ZNF385B: variants seen among roughly 807,000 people sequenced by gnomAD.
ZNF385B encodes zinc finger protein 533.
In ZNF385B, 23 loss-of-function variants were observed where a neutral mutation model predicts 39.2. That is an observed-to-expected ratio of 0.59 (90% CI 0.42 to 0.83). The LOEUF (loss-of-function observed/expected upper bound fraction) is 0.83. ZNF385B is among the 40% of genes least tolerant of loss of function. ZNF385B has a pLI of 0.00. For synonymous variants in ZNF385B, 205 were observed against 222.6 expected, an observed-to-expected ratio of 0.92 and a Z score of 0.70; for missense variants, 552 against 598.9, an observed-to-expected ratio of 0.92 and a Z score of 0.82.
At chr2:179,655,856 G>A (rs1432944688) in intron 3 of ZNF385B, among the ~76,000 whole-genome samples, 1 of 152,148 alleles carries the variant, frequency 6.6e-6, no homozygotes, top group African/African-American at 2.4e-5. Context: ...GTAATACTGA[G>A]TCATGGTTCT....
At chr2:179,695,313 CA>C (rs750176287) in intron 3 of ZNF385B, among the ~76,000 whole-genome samples, 71 of 151,468 alleles carry the variant, frequency 4.7e-4, no homozygotes, top group Admixed American at 1.2e-3. Context: ...AAAATATGAG[CA>C]ACAAAAGAAA....
chr2:179,851,312 T>C (rs1283304345), intron 1 of ZNF385B, among the ~76,000 whole-genome samples: 1 of 152,186 alleles, frequency 6.6e-6, no homozygotes, highest in African/African-American at 2.4e-5. Flanking sequence ...TAGCTGGCCA[T>C]AGTGGTGCAC....
chr2:179,483,237 C>T, intron 6 of ZNF385B, 35 bp downstream of exon 6: 1 of 1,610,502 alleles, frequency 6.2e-7, no homozygotes, highest in Non-Finnish European at 8.5e-7. Context: ...ACAGGAGAAA[C>T]ACAAAGAATG....
At chr2:179,782,058 T>C (rs543119684) in intron 1 of ZNF385B, among the ~76,000 whole-genome samples, 1 of 152,246 alleles carries the variant, frequency 6.6e-6, no homozygotes, top group East Asian at 1.9e-4. Context: ...ACAATATCCT[T>C]GGTGAACATT....
intron 3 of ZNF385B, among the ~76,000 whole-genome samples, chr2:179,704,232 T>C (rs1216335166): frequency 1.3e-5 from 2 of 152,188 alleles, no homozygotes; most frequent in African/African-American, 2.4e-5. Flanking sequence ...TTGAAAGAGT[T>C]TGATAATCCA....
intron 3 of ZNF385B, among the ~76,000 whole-genome samples, chr2:179,652,111 T>A (rs1018419919): frequency 6.6e-6 from 1 of 152,044 alleles, no homozygotes; most frequent in African/African-American, 2.4e-5. Context: ...TTTTAAGATA[T>A]AGATTTGGAA....
intron 3 of ZNF385B, among the ~76,000 whole-genome samples, chr2:179,595,675 G>A (rs561886527): frequency 2.0e-5 from 3 of 150,910 alleles, no homozygotes; most frequent in Admixed American, 1.3e-4. Flanking sequence ...GCCCAGGCTG[G>A]AGTGAAGTAG....
intron 4 of ZNF385B, among the ~76,000 whole-genome samples, chr2:179,522,642 G>A (rs1474731652): frequency 3.3e-5 from 5 of 152,074 alleles, no homozygotes; most frequent in South Asian, 2.1e-4. Context: ...ATAGACATTC[G>A]ATTGTTAAAA....
Position 179,632,209 on chromosome 2 carries a change from C to A in ZNF385B, c.299-87240G>T, listed in dbSNP as rs551176141. 5.3e-5 allele frequency among the ~76,000 whole-genome samples: 8 copies of A among 152,286 alleles called. No homozygotes were observed. The South Asian group carries it at 1.7e-3, about 32-fold the overall frequency. On this transcript the variant is annotated intron_variant, in intron 3 of 9. Coordinates refer to ENST00000410066, the MANE Select transcript of ZNF385B (RefSeq NM_152520.6). ...CTCTGCAACAAGTAGACCTAATAGACATCTACAGAACTCTCCACCTCAAAT... is the reference window on the plus strand; with the variant it reads ...CTCTGCAACAAGTAGACCTAATAGAAATCTACAGAACTCTCCACCTCAAAT...
intron 3 of ZNF385B, among the ~76,000 whole-genome samples, chr2:179,582,842 A>G (rs1425458248): frequency 6.6e-6 from 1 of 152,120 alleles, no homozygotes; most frequent in East Asian, 1.9e-4. Flanking sequence ...TAAGAAACCA[A>G]TATTTTTTGT....
chr2:179,459,874 C>T lies in ZNF385B; in HGVS notation c.716-13104G>A, dbSNP rs558858150. Among the ~76,000 whole-genome samples, 231 of 151,506 alleles carry T rather than the reference C, an allele frequency of 1.5e-3. 1 individual carries two copies. Among genetic ancestry groups the T allele is most frequent in the Middle Eastern group, 3.4e-3 (1 of 292 alleles). ...ATCCCAGCACTTTGGGAAGCTGAGG[C>T]GGGTGGATCACCTGAGGTCAGGAGT... On this transcript the variant is annotated intron_variant, in intron 6 of 9. Coordinates refer to ENST00000410066, the MANE Select transcript of ZNF385B (RefSeq NM_152520.6).
At chr2:179,577,034 C>A (rs1478886615) in intron 3 of ZNF385B, among the ~76,000 whole-genome samples, 3 of 152,014 alleles carry the variant, frequency 2.0e-5, no homozygotes, top group African/African-American at 7.2e-5. Flanking sequence ...TATAAGGAAT[C>A]CAGGAGAAAA....
At chr2:179,445,110 T>C (rs1262584997) in intron 8 of ZNF385B, 133 bp from the exon 9 acceptor site, 3 of 755,132 alleles carry the variant, frequency 4.0e-6, no homozygotes, top group Non-Finnish European at 6.8e-6. Context: ...AAAATCATTA[T>C]GATTTCTAAA....
intron 3 of ZNF385B, among the ~76,000 whole-genome samples, chr2:179,760,221 T>TGCGC (rs111292369): frequency 0.017 from 2,331 of 138,428 alleles, 35 homozygotes; most frequent in African/African-American, 0.041. Context: ...GATTCCTGTG[T>TGCGC]GCGTGTGTGT....
At chr2:179,591,652 T>C (rs1248081327) in intron 3 of ZNF385B, among the ~76,000 whole-genome samples, 1 of 152,134 alleles carries the variant, frequency 6.6e-6, no homozygotes, top group African/African-American at 2.4e-5. Context: ...GGGTAGAGAG[T>C]AAAGCCACTG....
intron 6 of ZNF385B, among the ~76,000 whole-genome samples, chr2:179,465,512 G>A (rs1408089191): frequency 6.6e-6 from 1 of 152,134 alleles, no homozygotes; most frequent in East Asian, 1.9e-4. Context: ...TTTCCAAGTA[G>A]TCCTCACGTC....
At chr2:179,711,389 C>T (rs1699986211) in intron 3 of ZNF385B, among the ~76,000 whole-genome samples, 1 of 152,134 alleles carries the variant, frequency 6.6e-6, no homozygotes, top group African/African-American at 2.4e-5. Context: ...GACTGCAATG[C>T]TCCTCTTTAT....
chr2:179,533,224 G>A (rs1322306065), intron 4 of ZNF385B, among the ~76,000 whole-genome samples: 1 of 152,094 alleles, frequency 6.6e-6, no homozygotes, highest in Non-Finnish European at 1.5e-5. Flanking sequence ...AAGAAGTAAT[G>A]AGCTCTATGC....
chr2:179,754,135 A>G (rs1370278635), intron 3 of ZNF385B, among the ~76,000 whole-genome samples: 1 of 152,192 alleles, frequency 6.6e-6, no homozygotes, highest in African/African-American at 2.4e-5. Flanking sequence ...GAGAGTTTTT[A>G]GCATGAAGGG....
Sources: gnomAD v4.1 joint callset for allele counts (sites outside exome capture counted in the v4.1 genomes callset) on GRCh38, gnomAD v4.1.1 for gene constraint, MANE v1.5 for transcripts, NCBI Gene and HGNC (gene_info 2026-07-23, HGNC 2026-07-21) for gene names.